The following PROM1 variants were observed in gnomAD, a reference collection of about 807,000 sequenced individuals.
PROM1 encodes prominin 1.
Under a neutral mutation model 116.9 loss-of-function variants are expected in PROM1, and 105 were observed. The observed-to-expected ratio is 0.90, with a 90% CI of 0.77 to 1.06. The LOEUF (loss-of-function observed/expected upper bound fraction) is 1.06. PROM1 is among the 50% of genes least tolerant of loss of function. The probability of loss-of-function intolerance (pLI) is 0.00; values close to 1 mark genes in which losing one functional copy is unlikely to be tolerated. For missense variants in PROM1, 1,122 were observed against 1,045.2 expected (o/e 1.07, Z -1.01); for synonymous variants, 393 against 387.0 (o/e 1.02, Z -0.18).
chr4:16,026,431 T>C (rs1731298522), intron 5 of PROM1, among the ~76,000 whole-genome samples: 1 of 151,960 alleles, frequency 6.6e-6, no homozygotes, highest in Non-Finnish European at 1.5e-5. Context: ...AACTTGTTAG[T>C]TTGTAATCAT....
rs1239661606 is a variant in PROM1 at position 15,980,438 on chromosome 4, C to G, written c.2473G>C (p.Glu825Gln). 1 of 1,550,102 alleles carries G rather than the reference C, an allele frequency of 6.5e-7. No individual in the cohort carries two copies. The highest frequency in any genetic ancestry group is 8.7e-7 in the Non-Finnish European group (1 of 1,144,710). The change falls in exon 24 of 28, where the codon GAG becomes CAG. Residue 825 changes from glutamate (E) to glutamine (Q), a missense_variant. Glu to Gln is a conservative substitution (Grantham distance 29). Transcript: ENST00000447510. ...CATACTTACTCATCGTACACGTCCT[C>G]CGAATCCATTCGACGATAGTACTTA... ...LAKYYRRMDS[E>Q]DVYDDVETIP...
At chr4:16,009,411 A>G (rs150182117) in intron 11 of PROM1, among the ~76,000 whole-genome samples, 4 of 152,338 alleles carry the variant, frequency 2.6e-5, no homozygotes, top group African/African-American at 9.6e-5. Context: ...TGGTGTGCAG[A>G]CTACGTGCCA....
chr4:16,012,198 T>C (rs1167768777), intron 11 of PROM1, among the ~76,000 whole-genome samples: 1 of 152,132 alleles, frequency 6.6e-6, no homozygotes, highest in African/African-American at 2.4e-5. Flanking sequence ...GGTCTCACCA[T>C]GTTGGCCAGG....
rs76963591 is a variant in PROM1, at chr4:16,038,994, C to T, written c.228G>A (p.Leu76=). Reference sequence around the variant, plus strand: ...CATATGCCTTCTGTAAGAATTTTCTCAAAGTATCTGGAAAAAAAGCCACAA... The same window carrying T: ...CATATGCCTTCTGTAAGAATTTTCTTAAAGTATCTGGAAAAAAAGCCACAA... ...VQPRDFPEDT[L]RKFLQKAYES... The change falls in exon 3 of 28, where the codon TTG becomes TTA. Residue 76 remains leucine (L), a synonymous_variant. Coordinates refer to ENST00000447510, the MANE Select transcript of PROM1 (RefSeq NM_006017.3). 35,785 of 1,490,096 alleles carry T rather than the reference C, an allele frequency of 0.024. 589 individuals carry two copies. The highest frequency in any genetic ancestry group is 0.065 in the African/African-American group (4,570 of 70,108). The allele number at this position is 1,490,096 out of a possible 1,614,324, so 92.3% of individuals were successfully genotyped here. A position where few individuals can be genotyped will look rare whatever the true frequency, so the allele number is the denominator to read the frequency against.
intron 5 of PROM1, 43 bp from the exon 6 acceptor site, chr4:16,025,355 G>A: frequency 6.2e-7 from 1 of 1,608,592 alleles, no homozygotes; most frequent in South Asian, 1.1e-5. Context: ...TTACTGTGTG[G>A]TCCATGGTTC....
At chr4:16,054,482 G>C (rs1183714399) in intron 2 of PROM1, among the ~76,000 whole-genome samples, 2 of 152,028 alleles carry the variant, frequency 1.3e-5, no homozygotes, top group Admixed American at 1.3e-4. Flanking sequence ...AAAAGGTGCC[G>C]GTTTAAATGA....
chr4:15,990,648 A>T (rs899179102), intron 18 of PROM1, among the ~76,000 whole-genome samples: 1 of 152,204 alleles, frequency 6.6e-6, no homozygotes, highest in African/African-American at 2.4e-5. Context: ...GGCTGCAGTC[A>T]TCTTGAGATA....
chr4:16,074,113 A>G (rs1047959614), intron 2 of PROM1, among the ~76,000 whole-genome samples: 1 of 152,224 alleles, frequency 6.6e-6, no homozygotes, highest in African/African-American at 2.4e-5. Flanking sequence ...CATTAGTAGG[A>G]AACTAGTTTA....
intron 23 of PROM1, among the ~76,000 whole-genome samples, chr4:15,982,908 G>C (rs1036343880): frequency 6.6e-6 from 1 of 152,240 alleles, no homozygotes; most frequent in Non-Finnish European, 1.5e-5. Context: ...CCAGCAGACA[G>C]ATGGACAAGT....
intron 9 of PROM1, 116 bp downstream of exon 9, chr4:16,018,207 G>C: frequency 2.2e-6 from 2 of 919,316 alleles, no homozygotes; most frequent in South Asian, 1.6e-5. Context: ...TAGAGGCCAG[G>C]GGCTAACTGT....
chr4:16,024,982 T>C (rs1730880222), intron 6 of PROM1, among the ~76,000 whole-genome samples: 1 of 152,210 alleles, frequency 6.6e-6, no homozygotes, highest in African/African-American at 2.4e-5. Flanking sequence ...CTCAATAAAA[T>C]AAAAACACCA....
At chr4:15,998,709 CTTTTTTTGAGAACTTTT>C (rs563045676) in intron 14 of PROM1, among the ~76,000 whole-genome samples, 46 of 151,704 alleles carry the variant, frequency 3.0e-4, no homozygotes, top group Non-Finnish European at 2.4e-4. Context: ...ATTAAAATTA[CTTTTTTTGAGAACTTTT>C]TTTTTTTGAG....
intron 13 of PROM1, 104 bp from the exon 14 acceptor site, chr4:16,000,723 T>C: frequency 1.0e-6 from 1 of 969,776 alleles, no homozygotes; most frequent in Admixed American, 3.2e-5. Context: ...CCTGGGGTCT[T>C]CAGTGTTATT....
chr4:16,014,219 G>GC (rs1049479677), intron 10 of PROM1, among the ~76,000 whole-genome samples: 1 of 152,202 alleles, frequency 6.6e-6, no homozygotes, highest in Non-Finnish European at 1.5e-5. Context: ...TATGGTGCCA[G>GC]CCAGTTTCCA....
chr4:16,032,856 A>T (rs916927745), intron 5 of PROM1, among the ~76,000 whole-genome samples: 5 of 152,220 alleles, frequency 3.3e-5, no homozygotes, highest in Non-Finnish European at 7.3e-5. Flanking sequence ...TGCATTCTAC[A>T]ATATTTTCAA....
intron 15 of PROM1, among the ~76,000 whole-genome samples, chr4:15,997,269 A>G (rs1253532180): frequency 1.4e-5 from 2 of 143,492 alleles, no homozygotes; most frequent in Admixed American, 7.2e-5. Context: ...TATGAAATAT[A>G]TATTCGTTCA....
chr4:16,080,706 C>G (rs1744875600), intron 1 of PROM1: 1 of 152,214 alleles, frequency 6.6e-6, no homozygotes, highest in Non-Finnish European at 1.5e-5. Context: ...CGTTTGTGAG[C>G]TGGGTGGGAG....
At chr4:16,026,149 A>G (rs1731214286) in intron 5 of PROM1, among the ~76,000 whole-genome samples, 1 of 152,232 alleles carries the variant, frequency 6.6e-6, no homozygotes, top group Admixed American at 6.5e-5. Context: ...GGCATCTTAC[A>G]GGAAAGCCTT....
At chr4:16,080,009 T>TCCAA (rs1560637812) in intron 1 of PROM1, 3 of 2,836 alleles carry the variant, frequency 1.1e-3, no homozygotes, top group African/African-American at 1.9e-3. Flanking sequence ...GCCCTGTCTC[T>TCCAA]ACAAAAAAAA....
Sources: gnomAD v4.1 joint callset for allele counts (sites outside exome capture counted in the v4.1 genomes callset) on GRCh38, gnomAD v4.1.1 for gene constraint, MANE v1.5 for transcripts, NCBI Gene and HGNC (gene_info 2026-07-23, HGNC 2026-07-21) for gene names.